HACD2: variants seen among roughly 807,000 people sequenced by gnomAD.
HACD2 encodes the protein 3-hydroxyacyl-CoA dehydratase 2.
A neutral mutation model predicts 31.0 loss-of-function variants in HACD2; 15 were observed. The ratio of observed to expected loss-of-function variants is 0.48; its 90% CI spans 0.32 to 0.75. HACD2 has a LOEUF of 0.75. Ranked by LOEUF, HACD2 falls within the 30% of genes least tolerant of loss-of-function variation. The pLI is 0.03. For missense variants in HACD2, 283 were observed against 313.0 expected, an observed-to-expected ratio of 0.90 and a Z score of 0.72; for synonymous variants, 115 against 122.2, an observed-to-expected ratio of 0.94 and a Z score of 0.39.
At chr3:123,524,458 T>G (rs888749890) in intron 4 of HACD2, among the ~76,000 whole-genome samples, 7 of 152,122 alleles carry the variant, frequency 4.6e-5, no homozygotes, top group Admixed American at 3.3e-4. Context: ...AGAAGCAATG[T>G]GTTGCAGATA....
chr3:123,521,201 C>T (rs909898616), intron 4 of HACD2, among the ~76,000 whole-genome samples: 1 of 152,130 alleles, frequency 6.6e-6, no homozygotes, highest in Non-Finnish European at 1.5e-5. Flanking sequence ...CCCATGGATA[C>T]ATCCAGAAGA....
intron 2 of HACD2, among the ~76,000 whole-genome samples, chr3:123,574,696 TATAA>T (rs886772207): frequency 4.6e-5 from 7 of 152,150 alleles, no homozygotes; most frequent in African/African-American, 1.7e-4. Context: ...TCATGTGATA[TATAA>T]ATATATACTA....
chr3:123,560,692 G>A (rs987162511), intron 3 of HACD2, among the ~76,000 whole-genome samples: 1 of 152,234 alleles, frequency 6.6e-6, no homozygotes, highest in Non-Finnish European at 1.5e-5. Context: ...GAAACTAAAA[G>A]GGAGTTAGAG....
At chr3:123,584,505 T>G (rs1047146784) in intron 1 of HACD2, 1 of 190,876 alleles carries the variant, frequency 5.2e-6, no homozygotes, top group African/African-American at 2.3e-5. Flanking sequence ...CCGTTCAACA[T>G]CCGAATCTGG....
At chr3:123,573,712 A>C (rs571576548) in intron 2 of HACD2, among the ~76,000 whole-genome samples, 1 of 152,326 alleles carries the variant, frequency 6.6e-6, no homozygotes, top group African/African-American at 2.4e-5. Flanking sequence ...AACATAAACA[A>C]GCAAAAGGGT....
intron 2 of HACD2, among the ~76,000 whole-genome samples, chr3:123,573,623 T>C (rs1427132820): frequency 6.6e-6 from 1 of 152,164 alleles, no homozygotes; most frequent in Admixed American, 6.5e-5. Flanking sequence ...CACTAAAGCA[T>C]GTCCTCAGCC....
At chr3:123,533,024 T>C (rs1317367947) in intron 3 of HACD2, among the ~76,000 whole-genome samples, 1 of 152,188 alleles carries the variant, frequency 6.6e-6, no homozygotes, top group East Asian at 1.9e-4. Flanking sequence ...TATAACTCTG[T>C]CACCCTCTTT....
chr3:123,525,547 T>TA (rs2056270184), intron 4 of HACD2, among the ~76,000 whole-genome samples: 1 of 152,150 alleles, frequency 6.6e-6, no homozygotes, highest in Non-Finnish European at 1.5e-5. Context: ...GTGAAAAAAG[T>TA]AGAGTCTAGT....
At chr3:123,561,777 G>A (rs116177412) in intron 3 of HACD2, among the ~76,000 whole-genome samples, 3,755 of 150,264 alleles carry the variant, frequency 0.025, 156 homozygotes, top group African/African-American at 0.082. Context: ...GCAGTATTAC[G>A]GAAAAAAAAA....
intron 2 of HACD2, among the ~76,000 whole-genome samples, chr3:123,577,932 G>A (rs2056925348): frequency 6.6e-6 from 1 of 152,080 alleles, no homozygotes; most frequent in South Asian, 2.1e-4. Flanking sequence ...ACAATCTAGT[G>A]GTTTTTAATA....
At chr3:123,516,231 ATATTTT>A (rs2056134370) in intron 4 of HACD2, among the ~76,000 whole-genome samples, 1 of 102,480 alleles carries the variant, frequency 9.8e-6, no homozygotes, top group African/African-American at 3.2e-5. Flanking sequence ...AATGTGCAAC[ATATTTT>A]TTTTTTTTTT....
intron 4 of HACD2, among the ~76,000 whole-genome samples, chr3:123,516,045 C>T (rs1168299992): frequency 6.6e-6 from 1 of 152,042 alleles, no homozygotes; most frequent in Non-Finnish European, 1.5e-5. Flanking sequence ...CAGGCATGAG[C>T]CACCGCGCCT....
At chr3:123,569,760 G>A (rs2056832219) in intron 2 of HACD2, among the ~76,000 whole-genome samples, 1 of 152,028 alleles carries the variant, frequency 6.6e-6, no homozygotes, top group Admixed American at 6.5e-5. Flanking sequence ...GGCCGAGGCA[G>A]GCGGATGACC....
At chr3:123,579,643 A>G (rs1156911480) in intron 2 of HACD2, among the ~76,000 whole-genome samples, 1 of 151,800 alleles carries the variant, frequency 6.6e-6, no homozygotes, top group Admixed American at 6.6e-5. Context: ...AGAGATAGAA[A>G]CCCCTTTAAA....
At chr3:123,552,258 A>G (rs988999795) in intron 3 of HACD2, among the ~76,000 whole-genome samples, 1 of 152,186 alleles carries the variant, frequency 6.6e-6, no homozygotes, top group African/African-American at 2.4e-5. Context: ...CATTGCTTCT[A>G]AGGAAGAAAT....
At position 123,492,576 on chromosome 3, in the gene HACD2, G is replaced by A. The variant is rs1274853896; in HGVS notation, c.*2312C>T. 1 of 152,214 alleles carries A rather than the reference G, an allele frequency of 6.6e-6. No homozygotes were observed. Among genetic ancestry groups the A allele is most frequent in the Non-Finnish European group, 1.5e-5 (1 of 68,040 alleles). The allele number at this position is 152,214 out of a possible 1,614,324, so 9.4% of individuals were successfully genotyped here. A position where few individuals can be genotyped will look rare whatever the true frequency, so the allele number is the denominator to read the frequency against. On this transcript the variant is annotated 3_prime_UTR_variant, in exon 7 of 7. Coordinates refer to ENST00000383657, the MANE Select transcript of HACD2 (RefSeq NM_198402.5). ...ATGTACAAAAATACACACTGGGGTT[G>A]AGACCCTTTTTGAAAAGGGAGCTGT...
intron 3 of HACD2, among the ~76,000 whole-genome samples, chr3:123,565,387 G>A (rs968701294): frequency 6.6e-5 from 10 of 152,028 alleles, no homozygotes; most frequent in African/African-American, 2.4e-4. Flanking sequence ...GGGTATTCAG[G>A]AGGCGATTAG....
At chr3:123,538,705 G>C (rs752733243) in intron 3 of HACD2, among the ~76,000 whole-genome samples, 15 of 152,176 alleles carry the variant, frequency 9.9e-5, no homozygotes, top group Non-Finnish European at 2.2e-4. Context: ...AAATAACTTA[G>C]TGTGAGCAAC....
chr3:123,573,070 A>C (rs1345143656), intron 2 of HACD2, among the ~76,000 whole-genome samples: 2 of 152,204 alleles, frequency 1.3e-5, no homozygotes, highest in Non-Finnish European at 2.9e-5. Flanking sequence ...CTCCACAGAC[A>C]TGTCCACGAC....
Sources: allele counts gnomAD v4.1 joint callset (sites outside exome capture counted in the v4.1 genomes callset), GRCh38; gene constraint gnomAD v4.1.1; transcripts MANE v1.5; gene names NCBI Gene and HGNC (gene_info 2026-07-23, HGNC 2026-07-21).